The following DPP6 variants were observed in gnomAD, a reference collection of about 807,000 sequenced individuals.
DPP6 encodes A-type potassium channel modulatory protein DPP6.
In DPP6, 69 loss-of-function variants were observed where a neutral mutation model predicts 122.6. The observed-to-expected ratio is 0.56, with a 90% CI of 0.46 to 0.69. The LOEUF (loss-of-function observed/expected upper bound fraction) is 0.69. Ranked by LOEUF, DPP6 falls within the 30% of genes least tolerant of loss-of-function variation. DPP6 has a pLI of 0.00. For synonymous variants in DPP6, 418 were observed against 433.1 expected, an observed-to-expected ratio of 0.97 and a Z score of 0.43; for missense variants, 928 against 1,116.9, an observed-to-expected ratio of 0.83 and a Z score of 2.41.
chr7:154,292,881 T>G (rs1220594282), intron 1 of DPP6, among the ~76,000 whole-genome samples: 1 of 152,250 alleles, frequency 6.6e-6, no homozygotes, highest in Non-Finnish European at 1.5e-5. Flanking sequence ...ACTTTTTAAA[T>G]TTTATTCTAC....
the DPP6 span, among the ~76,000 whole-genome samples, chr7:153,824,739 C>T: frequency 6.6e-6 from 1 of 152,102 alleles, no homozygotes; most frequent in Non-Finnish European, 1.5e-5. Flanking sequence ...GTATGTCCTC[C>T]TTGGTGGCTG....
intron 1 of DPP6, among the ~76,000 whole-genome samples, chr7:154,324,746 C>A (rs551932398): frequency 6.6e-6 from 1 of 152,312 alleles, no homozygotes; most frequent in East Asian, 1.9e-4. Flanking sequence ...GACCTGCAGC[C>A]TCAGGCATCC....
At chr7:153,883,520 C>T (rs899994001), upstream of DPP6, among the ~76,000 whole-genome samples, 5 of 152,152 alleles carry the variant, frequency 3.3e-5, no homozygotes, top group Non-Finnish European at 5.9e-5. Context: ...GCTTGGATTA[C>T]AGGTGTCCAC....
At chr7:153,826,433 T>C in the DPP6 span, among the ~76,000 whole-genome samples, 1 of 152,218 alleles carries the variant, frequency 6.6e-6, no homozygotes, top group African/African-American at 2.4e-5. Flanking sequence ...CTAGTTGTCA[T>C]TGTATCCATT....
At chr7:154,320,369 C>A (rs973262247) in intron 1 of DPP6, among the ~76,000 whole-genome samples, 4 of 152,168 alleles carry the variant, frequency 2.6e-5, no homozygotes, top group African/African-American at 7.2e-5. Context: ...CTGTCTCCTA[C>A]CTTCTAATGT....
chr7:153,773,330 A>G, the DPP6 span, among the ~76,000 whole-genome samples: 2 of 139,962 alleles, frequency 1.4e-5, no homozygotes, highest in East Asian at 4.4e-4. Context: ...ATATATATAT[A>G]TTTTTTTTTA....
intron 15 of DPP6, 131 bp downstream of exon 15, chr7:154,805,095 T>C: frequency 7.8e-7 from 1 of 1,275,402 alleles, no homozygotes. Context: ...GGAGTAGCTG[T>C]AGAGTCTGGA....
intron 5 of DPP6, among the ~76,000 whole-genome samples, chr7:154,569,296 G>T (rs1294053892): frequency 6.6e-6 from 1 of 151,960 alleles, no homozygotes; most frequent in African/African-American, 2.4e-5. Context: ...ATCAGTAATT[G>T]TTATTGCTAG....
At chr7:153,885,432 G>A (rs578080422), upstream of DPP6, among the ~76,000 whole-genome samples, 1 of 152,102 alleles carries the variant, frequency 6.6e-6, no homozygotes, top group South Asian at 2.1e-4. Context: ...GGTGATGAGG[G>A]AGGAGCCATC....
chr7:154,735,075 T>C (rs543031943), intron 8 of DPP6, among the ~76,000 whole-genome samples: 89 of 152,360 alleles, frequency 5.8e-4, no homozygotes, highest in Non-Finnish European at 1.1e-3. Context: ...CTATCAGTGT[T>C]GAAAACTCTG....
chr7:154,867,339 C>T (rs773424308), intron 17 of DPP6, among the ~76,000 whole-genome samples: 6 of 152,140 alleles, frequency 3.9e-5, no homozygotes, highest in South Asian at 2.1e-4. Context: ...TGTGCTGTCG[C>T]GGCAGAGGCA....
chr7:154,325,824 C>G (rs1256157765), intron 1 of DPP6, among the ~76,000 whole-genome samples: 1 of 152,150 alleles, frequency 6.6e-6, no homozygotes, highest in Non-Finnish European at 1.5e-5. Flanking sequence ...GCCAAGGGCA[C>G]ATTTTTAATT....
intron 22 of DPP6, among the ~76,000 whole-genome samples, chr7:154,886,464 T>A (rs2150695298): frequency 6.6e-6 from 1 of 152,294 alleles, no homozygotes; most frequent in South Asian, 2.1e-4. Context: ...GGCTCCTGCA[T>A]TCTCCTCCTT....
rs1181419562 is a variant in DPP6, at chr7:154,863,206, T to C, written c.1715-4789T>C. Reference sequence around the variant, plus strand: ...CGTGAGCCACCGCACCCGAACCCTTTCCTTTGTCTTTTCTATTTTGTTCAT... The same window carrying C: ...CGTGAGCCACCGCACCCGAACCCTTCCCTTTGTCTTTTCTATTTTGTTCAT... On this transcript the variant is annotated intron_variant, in intron 17 of 25. Transcript: ENST00000377770. This position sits in a 1 kb window ranked among gnomAD's most constrained non-coding sequence, Gnocchi z 4.1. Among the ~76,000 whole-genome samples, 1 of 152,096 alleles carries C rather than the reference T, an allele frequency of 6.6e-6. No individual in the cohort carries two copies. Among genetic ancestry groups the C allele is most frequent in the Admixed American group, 6.5e-5 (1 of 15,274 alleles).
chr7:154,313,712 T>TATATTATATATATATATATATACGC (rs1554515587), intron 1 of DPP6, among the ~76,000 whole-genome samples: 14 of 24,926 alleles, frequency 5.6e-4, no homozygotes, highest in Admixed American at 1.5e-3. Flanking sequence ...TATATATATA[T>TATATTATATATATATATATATACGC]ATACACACAC....
intron 1 of DPP6, among the ~76,000 whole-genome samples, chr7:154,296,109 A>AT (rs200275377): frequency 0.087 from 12,975 of 148,632 alleles, 737 homozygotes; most frequent in African/African-American, 0.18. Context: ...CATGCTGGCT[A>AT]ATTTTTTGTA....
intron 7 of DPP6, among the ~76,000 whole-genome samples, chr7:154,711,578 G>A (rs893658375): frequency 5.3e-5 from 8 of 152,212 alleles, no homozygotes; most frequent in African/African-American, 1.9e-4. Context: ...GCATTAAACA[G>A]TGTTGAATAA....
intron 4 of DPP6, among the ~76,000 whole-genome samples, chr7:154,548,643 T>A (rs1179303312): frequency 2.0e-5 from 3 of 152,050 alleles, no homozygotes; most frequent in Non-Finnish European, 4.4e-5. Flanking sequence ...CCATCACACG[T>A]ATACTCTTCA....
At chr7:154,771,428 G>A (rs1029226564) in intron 9 of DPP6, among the ~76,000 whole-genome samples, 7 of 152,226 alleles carry the variant, frequency 4.6e-5, no homozygotes, top group African/African-American at 1.2e-4. Context: ...GCAAGAGAGG[G>A]CTCTGGTGTC....
Sources: gnomAD v4.1 joint callset for allele counts (sites outside exome capture counted in the v4.1 genomes callset) on GRCh38, gnomAD v4.1.1 for gene constraint, Gnocchi (gnomAD v3.1) non-coding constraint, MANE v1.5 for transcripts, NCBI Gene and HGNC (gene_info 2026-07-23, HGNC 2026-07-21) for gene names.